PEAK1: variants seen among roughly 807,000 people sequenced by gnomAD.
The protein encoded by PEAK1 is pseudopodium enriched atypical kinase 1.
PEAK1 carries 54 observed loss-of-function variants against 124.7 expected under a neutral mutation model. The observed-to-expected ratio is 0.43, with a 90% CI of 0.35 to 0.54. The LOEUF (loss-of-function observed/expected upper bound fraction) is 0.54. Among genes scored for constraint, PEAK1 ranks in the 20% least tolerant of loss-of-function variants. The pLI is 0.01. For synonymous variants in PEAK1, 719 were observed against 760.0 expected, an observed-to-expected ratio of 0.95 and a Z score of 0.89; for missense variants, 2,046 against 2,134.5, an observed-to-expected ratio of 0.96 and a Z score of 0.82.
intron 2 of PEAK1, among the ~76,000 whole-genome samples, chr15:77,313,670 G>GTGTC (rs2064643359): frequency 8.8e-6 from 1 of 113,272 alleles, no homozygotes; most frequent in Non-Finnish European, 1.8e-5. Context: ...GTGTGTGTGT[G>GTGTC]TGTGTGTGTG....
At chr15:77,185,885 TG>T (rs1284485872) in intron 6 of PEAK1, among the ~76,000 whole-genome samples, 2 of 152,188 alleles carry the variant, frequency 1.3e-5, no homozygotes, top group Non-Finnish European at 2.9e-5. Context: ...CTAATTCAAC[TG>T]TGTTTTATGG....
intron 6 of PEAK1, among the ~76,000 whole-genome samples, chr15:77,203,257 T>C (rs75857234): frequency 0.013 from 1,915 of 152,070 alleles, 29 homozygotes; most frequent in African/African-American, 0.039. Context: ...ATAACTTTTA[T>C]TGAAAAAAAT....
At chr15:77,340,287 T>C (rs901279694) in intron 2 of PEAK1, among the ~76,000 whole-genome samples, 2 of 152,140 alleles carry the variant, frequency 1.3e-5, no homozygotes, top group African/African-American at 4.8e-5. Context: ...TATTCAGGAA[T>C]AAAAATAAAT....
At chr15:77,340,776 A>G (rs1463672244) in intron 2 of PEAK1, among the ~76,000 whole-genome samples, 2 of 152,064 alleles carry the variant, frequency 1.3e-5, no homozygotes, top group Non-Finnish European at 2.9e-5. Context: ...GTTAAAGGGT[A>G]TGATCCCAAA....
intron 2 of PEAK1, among the ~76,000 whole-genome samples, chr15:77,311,823 C>T (rs2064485760): frequency 6.6e-6 from 1 of 152,004 alleles, no homozygotes; most frequent in Non-Finnish European, 1.5e-5. Context: ...GATAGCCACG[C>T]AGGTTCAGAT....
chr15:77,237,505 T>C (rs2060175847), intron 6 of PEAK1, among the ~76,000 whole-genome samples: 1 of 152,208 alleles, frequency 6.6e-6, no homozygotes, highest in South Asian at 2.1e-4. Flanking sequence ...CTTTTAATAT[T>C]TGTTTACATT....
Position 77,335,239 on chromosome 15 carries a change from C to T in PEAK1, c.-603+29924G>A, listed in dbSNP as rs553392316. 10 of 985,438 alleles carry T rather than the reference C, an allele frequency of 1.0e-5. No homozygotes were observed. In the African/African-American group the frequency reaches 1.6e-4, roughly 15 times the overall value. The allele number at this position is 985,438 out of a possible 1,614,324, so 61.0% of individuals were successfully genotyped here. A position where few individuals can be genotyped will look rare whatever the true frequency, so the allele number is the denominator to read the frequency against. On this transcript the variant is annotated intron_variant, in intron 2 of 9. Coordinates refer to ENST00000682557, the MANE Select transcript of PEAK1 (RefSeq NM_001385026.1). Reference sequence around the variant, plus strand: ...AGATTCTCCTTCAGGGGCTCCTCCTCAATTACTTCTTTCATTCCAGGACCA... The same window carrying T: ...AGATTCTCCTTCAGGGGCTCCTCCTTAATTACTTCTTTCATTCCAGGACCA...
chr15:77,199,343 A>G (rs1056112666), intron 6 of PEAK1, among the ~76,000 whole-genome samples: 1 of 152,218 alleles, frequency 6.6e-6, no homozygotes, highest in Admixed American at 6.5e-5. Flanking sequence ...GAAGTGGTCT[A>G]CTTGCCATCA....
At chr15:77,263,993 C>A (rs1355883135) in intron 5 of PEAK1, among the ~76,000 whole-genome samples, 3 of 152,132 alleles carry the variant, frequency 2.0e-5, no homozygotes, top group Admixed American at 6.6e-5. Flanking sequence ...TAAACAGAAC[C>A]AACGACAAAA....
At position 77,222,055 on chromosome 15, in the gene PEAK1, C is replaced by G. The variant is rs1320215728; in HGVS notation, c.-115+30312G>C. The stretch of plus-strand genomic sequence containing the variant: ...GGAATGGAATTAATTCTTTTTTTTT[C>G]TTTTTCAAAATAAAGTTGAGGATCT... On this transcript the variant is annotated intron_variant, in intron 6 of 9. Coordinates refer to ENST00000682557, the MANE Select transcript of PEAK1 (RefSeq NM_001385026.1). Among the ~76,000 whole-genome samples, 8 of 150,936 alleles carry G rather than the reference C, an allele frequency of 5.3e-5. No homozygotes were observed. The East Asian group carries it at 1.6e-3, about 29-fold the overall frequency.
intron 5 of PEAK1, 96 bp from the exon 6 acceptor site, chr15:77,252,622 C>G (rs2060930615): frequency 4.4e-6 from 3 of 684,630 alleles, no homozygotes; most frequent in Non-Finnish European, 5.4e-6. Flanking sequence ...CACCCTCACT[C>G]AACAGTTATA....
intron 2 of PEAK1, among the ~76,000 whole-genome samples, chr15:77,304,073 G>C (rs1170291432): frequency 6.6e-6 from 1 of 152,172 alleles, no homozygotes; most frequent in Non-Finnish European, 1.5e-5. Flanking sequence ...CAACACCATA[G>C]TATCTTGATT....
chr15:77,133,069 G>C lies in PEAK1; in HGVS notation c.4013C>G (p.Ala1338Gly), dbSNP rs767345921. The C allele has an allele frequency of 1.9e-6, 3 of 1,614,044 alleles. No homozygotes were observed. In the African/African-American group the frequency reaches 4.0e-5, roughly 22 times the overall value. ...AGCAGTATAGTAAACCGCATCACCT[G>C]CCTCACAACATGGTTTGTCACTGGT... ...RLTSDKPCCE[A>G]GDAVYYTASY... Residue 1338 changes from alanine to glycine, a missense_variant, in exon 9 of 10, where the codon GCA becomes GGA. Coordinates refer to ENST00000682557, the MANE Select transcript of PEAK1 (RefSeq NM_001385026.1). This position sits in a 1 kb window ranked among gnomAD's most constrained non-coding sequence, Gnocchi z 4.2.
At chr15:77,282,281 T>C (rs2062711172) in intron 5 of PEAK1, among the ~76,000 whole-genome samples, 1 of 152,168 alleles carries the variant, frequency 6.6e-6, no homozygotes, top group Non-Finnish European at 1.5e-5. Context: ...ATCTCATTTT[T>C]AGAAAATATC....
At chr15:77,318,612 A>C (rs1251074808) in intron 2 of PEAK1, among the ~76,000 whole-genome samples, 1 of 152,126 alleles carries the variant, frequency 6.6e-6, no homozygotes, top group Non-Finnish European at 1.5e-5. Context: ...GGATATGGTA[A>C]GAATGACTCA....
intron 5 of PEAK1, among the ~76,000 whole-genome samples, chr15:77,264,454 C>G (rs1483562051): frequency 2.0e-5 from 3 of 152,118 alleles, no homozygotes; most frequent in Non-Finnish European, 2.9e-5. Flanking sequence ...TTCTTATACA[C>G]CAATAACAGA....
chr15:77,337,278 G>T (rs1567276370), intron 2 of PEAK1: 1 of 984,990 alleles, frequency 1.0e-6, no homozygotes, highest in East Asian at 1.1e-4. Flanking sequence ...TTCTAAGTAT[G>T]CCAAGACAAG....
intron 6 of PEAK1, among the ~76,000 whole-genome samples, chr15:77,243,812 T>C (rs1464666113): frequency 2.0e-5 from 3 of 151,948 alleles, no homozygotes; most frequent in Non-Finnish European, 2.9e-5. Flanking sequence ...CTATTAAAAA[T>C]ACAAAATTAG....
intron 6 of PEAK1, among the ~76,000 whole-genome samples, chr15:77,203,989 T>C (rs750409604): frequency 1.3e-5 from 2 of 152,150 alleles, no homozygotes; most frequent in Non-Finnish European, 2.9e-5. Flanking sequence ...AGCCACATAG[T>C]GATACGAAAT....
Sources: gnomAD v4.1 joint callset for allele counts (sites outside exome capture counted in the v4.1 genomes callset) on GRCh38, gnomAD v4.1.1 for gene constraint, Gnocchi (gnomAD v3.1) non-coding constraint, MANE v1.5 for transcripts, NCBI Gene and HGNC (gene_info 2026-07-23, HGNC 2026-07-21) for gene names.